ADD2: variants seen among roughly 807,000 people sequenced by gnomAD.
The protein encoded by ADD2 is adducin 2, also known as beta-adducin.
In ADD2, 23 loss-of-function variants were observed where a neutral mutation model predicts 83.0. That is an observed-to-expected ratio of 0.28 (90% CI 0.20 to 0.39). ADD2 has a LOEUF of 0.39. Ranked by LOEUF, ADD2 falls within the 10% of genes least tolerant of loss-of-function variation. The pLI is 1.00. For synonymous variants in ADD2, 375 were observed against 375.4 expected (o/e 1.00, Z 0.01); for missense variants, 758 against 944.9 (o/e 0.80, Z 2.59).
Position 70,674,928 on chromosome 2 carries a change from G to T in ADD2, c.1594-103C>A, listed in dbSNP as rs186441155. On this transcript the variant is annotated intron_variant, in intron 13 of 15. Coordinates refer to ENST00000264436, the MANE Select transcript of ADD2 (RefSeq NM_001617.4). ...CATGTGGCTGCAAGCGGTCTTGCTA[G>T]GGACAGCGTGGCATGCAGCTCCTTG... 4.8e-5 allele frequency: 71 copies of T among 1,481,240 alleles called. No homozygotes were observed. The African/African-American group carries it at 9.3e-4, about 19-fold the overall frequency. The allele number at this position is 1,481,240 out of a possible 1,614,324, so 91.8% of individuals were successfully genotyped here. A position where few individuals can be genotyped will look rare whatever the true frequency, so the allele number is the denominator to read the frequency against.
intron 1 of ADD2, among the ~76,000 whole-genome samples, chr2:70,742,348 G>C (rs1361420718): frequency 1.3e-5 from 2 of 152,150 alleles, no homozygotes; most frequent in Non-Finnish European, 2.9e-5. Context: ...TGGGCCCAGT[G>C]ACACACCAGA....
rs1262303235 is a variant in ADD2, at chr2:70,720,831, CA to C, written c.-153-7648del. ...GGAATGTAAGCCAGCAGAAAGTAAG[CA>C]GAAATGATGGCATCCCCTGCAGCCA... On this transcript the variant is annotated intron_variant, in intron 1 of 15. Transcript: ENST00000264436. Among the ~76,000 whole-genome samples, 4 of 152,168 alleles carry C rather than the reference CA, an allele frequency of 2.6e-5. No homozygotes were observed. The East Asian group carries it at 5.8e-4, about 22-fold the overall frequency.
intron 1 of ADD2, among the ~76,000 whole-genome samples, chr2:70,722,820 C>A (rs781818936): frequency 6.6e-6 from 1 of 152,196 alleles, no homozygotes; most frequent in Non-Finnish European, 1.5e-5. Flanking sequence ...AATTGACCCA[C>A]CACCTATATT....
intron 15 of ADD2, among the ~76,000 whole-genome samples, chr2:70,667,857 G>A (rs1048026117): frequency 6.6e-5 from 10 of 152,088 alleles, no homozygotes; most frequent in African/African-American, 2.4e-4. Context: ...GACCTCAGGC[G>A]ATCCACCAGC....
Position 70,664,778 on chromosome 2 carries a change from G to A in ADD2, c.1871-1043C>T, listed in dbSNP as rs547575161. Among the ~76,000 whole-genome samples the A allele has an allele frequency of 4.0e-4, 61 of 151,900 alleles. No individual in the cohort carries two copies. The South Asian group carries it at 0.012, about 30-fold the overall frequency. On this transcript the variant is annotated intron_variant, in intron 15 of 15. Coordinates refer to ENST00000264436, the MANE Select transcript of ADD2 (RefSeq NM_001617.4). ...GTGTGAGGGTGTGCAAGTGTGAGTG[G>A]GCAGGTTGTGTGTGGTGTAAGTGTG...
intron 2 of ADD2, among the ~76,000 whole-genome samples, chr2:70,712,456 T>TAAAAA (rs1405459368): frequency 3.1e-5 from 2 of 65,270 alleles, no homozygotes; most frequent in Non-Finnish European, 2.9e-5. Context: ...AAAAAATAAA[T>TAAAAA]AAATAAAAAA....
intron 14 of ADD2, chr2:70,673,366 G>A: frequency 1.3e-6 from 2 of 1,579,912 alleles, no homozygotes; most frequent in South Asian, 1.1e-5. Context: ...CGTGAGCACA[G>A]AGCACATCAA....
chr2:70,684,685 A>G (rs917898139), intron 9 of ADD2, among the ~76,000 whole-genome samples: 1 of 152,246 alleles, frequency 6.6e-6, no homozygotes. Flanking sequence ...TAGTCAGTCA[A>G]GGAAGCCCAG....
intron 1 of ADD2, among the ~76,000 whole-genome samples, chr2:70,731,621 C>G (rs1673286787): frequency 6.6e-6 from 1 of 152,176 alleles, no homozygotes. Context: ...CACCAAAGTG[C>G]AAGCAGAGGA....
chr2:70,764,880 A>G (rs1553385708), intron 1 of ADD2, among the ~76,000 whole-genome samples: 1 of 152,012 alleles, frequency 6.6e-6, no homozygotes, highest in African/African-American at 2.4e-5. Context: ...CAAAATACGT[A>G]TATCTTCAGA....
intron 1 of ADD2, among the ~76,000 whole-genome samples, chr2:70,744,648 G>GAGGA (rs1226218290): frequency 6.6e-6 from 1 of 152,216 alleles, no homozygotes; most frequent in Non-Finnish European, 1.5e-5. Flanking sequence ...TTCGAGCACA[G>GAGGA]AGGAATTCTG....
chr2:70,671,462 C>A (rs1669890352), intron 15 of ADD2, among the ~76,000 whole-genome samples: 1 of 151,496 alleles, frequency 6.6e-6, no homozygotes, highest in African/African-American at 2.4e-5. Context: ...TTGTGAGTCG[C>A]AAAAGAAAAA....
intron 9 of ADD2, among the ~76,000 whole-genome samples, chr2:70,686,841 C>A (rs1360366221): frequency 6.6e-5 from 10 of 152,186 alleles, no homozygotes; most frequent in African/African-American, 1.7e-4. Flanking sequence ...TCATCATTAT[C>A]TTCACAGCTA....
chr2:70,751,635 T>G (rs1674510026), intron 1 of ADD2, among the ~76,000 whole-genome samples: 1 of 152,202 alleles, frequency 6.6e-6, no homozygotes, highest in Non-Finnish European at 1.5e-5. Context: ...TCCTTTACAA[T>G]AAACGGCATA....
rs202122125 is a variant in ADD2, at chr2:70,695,827, G to A, written c.475-26C>T. The A allele has an allele frequency of 2.5e-6, 4 of 1,599,068 alleles. No individual in the cohort carries two copies. The East Asian group carries it at 6.7e-5, about 27-fold the overall frequency. ...CTGGAGGAAAGACACAAGTTCTCAGGGGCAAGGAGGGAGAAAGGACATTTC... is the reference window on the plus strand; with the variant it reads ...CTGGAGGAAAGACACAAGTTCTCAGAGGCAAGGAGGGAGAAAGGACATTTC... On this transcript the variant is annotated intron_variant, in intron 5 of 15. Coordinates refer to ENST00000264436, the MANE Select transcript of ADD2 (RefSeq NM_001617.4).
chr2:70,683,817 G>T (rs782481435), intron 9 of ADD2, 50 bp from the exon 10 acceptor site: 14 of 1,566,302 alleles, frequency 8.9e-6, no homozygotes, highest in Admixed American at 1.8e-5. Context: ...TGGGTACCCT[G>T]CACTTATCTA....
rs782815520 is a variant in ADD2 at position 70,683,683 on chromosome 2, C to T, written c.1033G>A (p.Val345Met). The change falls in exon 10 of 16, where the codon GTG becomes ATG. Residue 345 changes from valine (V) to methionine (M), a missense_variant. Coordinates refer to ENST00000264436, the MANE Select transcript of ADD2 (RefSeq NM_001617.4). ...EKHRPHEVGS[V>M]QWAGSTFGPM... is the part of the protein sequence containing the mutation. ...CCAAAGGTGCTCCCGGCCCACTGCA[C>T]GGAGCCCACCTCATGGGGCCGGTGC... The T allele has an allele frequency of 1.1e-5, 18 of 1,614,174 alleles. No individual in the cohort carries two copies. Among genetic ancestry groups the T allele is most frequent in the East Asian group, 2.2e-5 (1 of 44,880 alleles).
Position 70,672,938 on chromosome 2 carries a change from T to C in ADD2, c.1810A>G (p.Ser604Gly). 1 of 1,613,906 alleles carries C rather than the reference T, an allele frequency of 6.2e-7. No homozygotes were observed. The highest frequency in any genetic ancestry group is 8.5e-7 in the Non-Finnish European group (1 of 1,179,968). ...TTTGTCTCTGCCTCCTTCGCTGGGC[T>C]CTGCACTGGAGAAGCAGGTGCAGAC... ...AKSAPASPVQ[S>G]PAKEAETKSP... Residue 604 changes from serine to glycine, a missense_variant, in exon 15 of 16, where the codon AGC (serine) becomes GGC (glycine). Ser to Gly is a moderately conservative substitution (Grantham distance 56). Around this residue, in one of 5 missense-constraint regions of ADD2, gnomAD observed 165 missense variants for 176.2 expected, o/e 0.94. Coordinates refer to ENST00000264436, the MANE Select transcript of ADD2 (RefSeq NM_001617.4).
chr2:70,706,606 C>T lies in ADD2; in HGVS notation c.-34-164G>A, dbSNP rs1574269047. Among the ~76,000 whole-genome samples, 1 of 152,146 alleles carries T rather than the reference C, an allele frequency of 6.6e-6. No homozygotes were observed. Among genetic ancestry groups the T allele is most frequent in the Admixed American group, 6.5e-5 (1 of 15,290 alleles). On this transcript the variant is annotated intron_variant, in intron 2 of 15. Coordinates refer to ENST00000264436, the MANE Select transcript of ADD2 (RefSeq NM_001617.4). This position sits in a 1 kb window ranked among gnomAD's most constrained non-coding sequence, Gnocchi z 5.0. ...GAGGAGGGCAGGACGCCAGCAGCGG[C>T]CCCATATACCCATCTATAGGGGCGC...
Sources: allele counts gnomAD v4.1 joint callset (sites outside exome capture counted in the v4.1 genomes callset), GRCh38; gene constraint gnomAD v4.1.1; regional missense constraint gnomAD v4.1.1; non-coding constraint Gnocchi (gnomAD v3.1); transcripts MANE v1.5; gene names NCBI Gene and HGNC (gene_info 2026-07-23, HGNC 2026-07-21).